CNTN6: variants seen among roughly 807,000 people sequenced by gnomAD.
CNTN6 encodes the protein contactin 6.
In CNTN6, 137 loss-of-function variants were observed where a neutral mutation model predicts 122.8. The observed-to-expected ratio is 1.12, with a 90% CI of 0.97 to 1.29. The LOEUF (loss-of-function observed/expected upper bound fraction) is 1.29, where lower values mean the gene tolerates loss of function less well. Ranked by LOEUF, CNTN6 falls within the 50% of genes most tolerant of loss-of-function variation. The pLI, the probability that CNTN6 is intolerant of heterozygous loss-of-function variation, is 0.00. For synonymous variants in CNTN6, 570 were observed against 426.0 expected (o/e 1.34, Z -4.16); for missense variants, 1,634 against 1,223.4 (o/e 1.34, Z -5.01).
At chr3:1,285,189 A>G (rs1184802573) in intron 5 of CNTN6, among the ~76,000 whole-genome samples, 1 of 152,204 alleles carries the variant, frequency 6.6e-6, no homozygotes, top group East Asian at 1.9e-4. Flanking sequence ...AGTCTTCAGT[A>G]TGTATTTATA....
intron 6 of CNTN6, among the ~76,000 whole-genome samples, chr3:1,296,099 C>T (rs1356970579): frequency 4.6e-5 from 7 of 151,972 alleles, no homozygotes; most frequent in African/African-American, 1.5e-4. Flanking sequence ...GGGGAGTTGG[C>T]GTGTGTGTAT....
intron 1 of CNTN6, among the ~76,000 whole-genome samples, chr3:1,102,218 A>G (rs963001581): frequency 6.6e-6 from 1 of 152,148 alleles, no homozygotes; most frequent in Non-Finnish European, 1.5e-5. Flanking sequence ...TGTATGTCTA[A>G]TGTGGTTGTG....
intron 2 of CNTN6, among the ~76,000 whole-genome samples, chr3:1,213,004 A>C (rs980259279): frequency 2.0e-5 from 3 of 152,192 alleles, no homozygotes; most frequent in African/African-American, 7.2e-5. Context: ...TGTCTTTCAA[A>C]ATGACCTAAA....
intron 4 of CNTN6, among the ~76,000 whole-genome samples, chr3:1,273,684 C>A (rs1022025649): frequency 7.2e-5 from 11 of 152,226 alleles, no homozygotes; most frequent in African/African-American, 2.7e-4. Context: ...CTGTGAACTA[C>A]TAACATTTTG....
At chr3:1,328,316 C>A (rs1701819453) in intron 10 of CNTN6, among the ~76,000 whole-genome samples, 1 of 151,784 alleles carries the variant, frequency 6.6e-6, no homozygotes, top group East Asian at 2.0e-4. Flanking sequence ...CCAGTGGTGT[C>A]TGCCACAATA....
chr3:1,287,143 T>G (rs994858641), intron 5 of CNTN6, among the ~76,000 whole-genome samples: 6 of 152,108 alleles, frequency 3.9e-5, no homozygotes, highest in Non-Finnish European at 7.4e-5. Flanking sequence ...CACCCCACTG[T>G]CAATATTAGA....
At chr3:1,400,485 G>A (rs1560047610) in intron 20 of CNTN6, among the ~76,000 whole-genome samples, 49 of 151,832 alleles carry the variant, frequency 3.2e-4, no homozygotes, top group Non-Finnish European at 2.9e-5. Flanking sequence ...CTCTCACGCA[G>A]ACAACATTAA....
chr3:1,099,575 T>G (rs2090768312), intron 1 of CNTN6, among the ~76,000 whole-genome samples: 1 of 152,220 alleles, frequency 6.6e-6, no homozygotes, highest in Admixed American at 6.5e-5. Flanking sequence ...AAATATTCAC[T>G]ATTGCAGTGT....
intron 12 of CNTN6, among the ~76,000 whole-genome samples, chr3:1,352,831 A>G (rs1479806814): frequency 1.3e-5 from 2 of 151,808 alleles, no homozygotes; most frequent in Non-Finnish European, 2.9e-5. Context: ...TTACATGTAT[A>G]TAAGGCTACC....
intron 1 of CNTN6, among the ~76,000 whole-genome samples, chr3:1,103,042 CT>C (rs1226214774): frequency 1.2e-4 from 18 of 151,732 alleles, no homozygotes; most frequent in African/African-American, 4.1e-4. Flanking sequence ...GGAGGCGGAG[CT>C]TGCAGTGAGC....
At chr3:1,342,901 A>C (rs1223417655) in intron 11 of CNTN6, among the ~76,000 whole-genome samples, 3 of 152,028 alleles carry the variant, frequency 2.0e-5, no homozygotes, top group Non-Finnish European at 4.4e-5. Flanking sequence ...AGGTCTATTT[A>C]TACTTGAGTT....
rs1447358402 is a variant in CNTN6, at chr3:1,383,075, G to C, written c.2300G>C (p.Ser767Thr). 7 of 1,613,998 alleles carry C rather than the reference G, an allele frequency of 4.3e-6. No homozygotes were observed. The highest frequency in any genetic ancestry group is 5.9e-6 in the Non-Finnish European group (7 of 1,179,916). The change falls in exon 18 of 23, where the codon AGC (serine) becomes ACC (threonine). Residue 767 changes from serine to threonine, a missense_variant. Transcript: ENST00000446702. Reference sequence around the variant, plus strand: ...TCAAGGTTTGTCTACAGAAATGAAAGCATCATCCCACTGTCTCCCTTTGAA... The same window carrying C: ...TCAAGGTTTGTCTACAGAAATGAAACCATCATCCCACTGTCTCCCTTTGAA... ...ESSRFVYRNESIIPLSPFEVK... is the reference protein window; with the variant it reads ...ESSRFVYRNETIIPLSPFEVK...
chr3:1,259,425 T>A (rs1463634305), intron 4 of CNTN6, among the ~76,000 whole-genome samples: 1 of 152,118 alleles, frequency 6.6e-6, no homozygotes, highest in Non-Finnish European at 1.5e-5. Context: ...TAAGTAAGTT[T>A]TTTTTGTTTT....
At position 1,297,934 on chromosome 3, in the gene CNTN6, A is replaced by C. The variant is rs755042554; in HGVS notation, c.704A>C (p.Glu235Ala). ...YEPKIEVRFP[E>A]TIQAAKDSSV... ...CCAAAGATTGAAGTGCGTTTTCCTGAAACTATACAAGCTGCAAAGGATTCA... is the reference window on the plus strand; with the variant it reads ...CCAAAGATTGAAGTGCGTTTTCCTGCAACTATACAAGCTGCAAAGGATTCA... The change falls in exon 7 of 23, where the codon GAA (glutamate) becomes GCA (alanine). Residue 235 changes from glutamate to alanine, a missense_variant. Coordinates refer to ENST00000446702, the MANE Select transcript of CNTN6 (RefSeq NM_001289080.2). 2.5e-6 allele frequency: 4 copies of C among 1,613,040 alleles called. No individual in the cohort carries two copies. In the East Asian group the frequency reaches 8.9e-5, roughly 36 times the overall value.
At chr3:1,133,324 G>A (rs1367462044) in intron 1 of CNTN6, among the ~76,000 whole-genome samples, 1 of 152,096 alleles carries the variant, frequency 6.6e-6, no homozygotes, top group Non-Finnish European at 1.5e-5. Context: ...TGGTTGTTTT[G>A]TACTTACTTT....
rs1334464784 is a variant in CNTN6, at chr3:1,297,807, C to A, written c.659-82C>A. 5.0e-6 allele frequency: 5 copies of A among 1,007,020 alleles called. No homozygotes were observed. The African/African-American group carries it at 8.1e-5, about 16-fold the overall frequency. 62.4% of individuals were successfully genotyped at this position (1,007,020 alleles called of 1,614,324 possible). A position where few individuals can be genotyped will look rare whatever the true frequency, so the allele number is the denominator to read the frequency against. On this transcript the variant is annotated intron_variant, in intron 6 of 22. Coordinates refer to ENST00000446702, the MANE Select transcript of CNTN6 (RefSeq NM_001289080.2). ...CTAACTCTTATTAAGAAGAAATAAT[C>A]AGGTTTTGGTTAATGAAGCATTTAC...
chr3:1,338,084 C>T (rs1703334056), intron 11 of CNTN6, among the ~76,000 whole-genome samples: 1 of 152,118 alleles, frequency 6.6e-6, no homozygotes, highest in African/African-American at 2.4e-5. Flanking sequence ...CTTGTGTTGG[C>T]CTATTACTGC....
At chr3:1,095,378 G>A (rs1413884427) in intron 1 of CNTN6, among the ~76,000 whole-genome samples, 1 of 152,156 alleles carries the variant, frequency 6.6e-6, no homozygotes, top group Non-Finnish European at 1.5e-5. Context: ...AGCTGAGGCA[G>A]GAGAATCACT....
At chr3:1,244,063 G>A (rs1363442247) in intron 4 of CNTN6, among the ~76,000 whole-genome samples, 2 of 152,204 alleles carry the variant, frequency 1.3e-5, no homozygotes, top group African/African-American at 4.8e-5. Flanking sequence ...AGGTCTTGTA[G>A]GATGGAGAAA....
Sources: gnomAD v4.1 joint callset for allele counts (sites outside exome capture counted in the v4.1 genomes callset) on GRCh38, gnomAD v4.1.1 for gene constraint, MANE v1.5 for transcripts, NCBI Gene and HGNC (gene_info 2026-07-23, HGNC 2026-07-21) for gene names.